SKA2: variants seen among roughly 807,000 people sequenced by gnomAD.
The protein encoded by SKA2 is spindle and kinetochore associated complex subunit 2.
A neutral mutation model predicts 16.9 loss-of-function variants in SKA2; 13 were observed. The observed-to-expected ratio is 0.77, with a 90% CI of 0.50 to 1.22. The LOEUF is 1.22. Ranked by LOEUF, SKA2 falls within the 50% of genes most tolerant of loss-of-function variation. SKA2 has a pLI of 0.00. For missense variants in SKA2, 107 were observed against 139.7 expected (o/e 0.77, Z 1.18); for synonymous variants, 47 against 48.5 (o/e 0.97, Z 0.13).
intron 1 of SKA2, among the ~76,000 whole-genome samples, chr17:59,142,259 T>G (rs1284236687): frequency 1.3e-5 from 2 of 151,914 alleles, no homozygotes; most frequent in Non-Finnish European, 2.9e-5. Flanking sequence ...TGCACGAATA[T>G]TCAGATAAAT....
intron 2 of SKA2, among the ~76,000 whole-genome samples, chr17:59,121,926 C>T (rs1345782015): frequency 6.8e-6 from 1 of 148,082 alleles, no homozygotes; most frequent in East Asian, 2.0e-4. Context: ...GATCCAAGAT[C>T]ACGCCACTGC....
chr17:59,132,952 G>T (rs12945875), intron 1 of SKA2, among the ~76,000 whole-genome samples: 4 of 152,142 alleles, frequency 2.6e-5, no homozygotes, highest in African/African-American at 9.7e-5. Context: ...AAGTTGAGAT[G>T]GATATATGAC....
In SKA2 at chr17:59,112,184, A is replaced by G. The variant is rs2046267868; in HGVS notation, c.*93T>C. On this transcript the variant is annotated 3_prime_UTR_variant, in exon 4 of 4. Coordinates refer to ENST00000330137, the MANE Select transcript of SKA2 (RefSeq NM_182620.4). Reference sequence around the variant, plus strand: ...GCCAAACCCCCTTCACCAGCCCCCAATCTCTAGACATCAAGGGTTAACAAG... The same window carrying G: ...GCCAAACCCCCTTCACCAGCCCCCAGTCTCTAGACATCAAGGGTTAACAAG... The G allele has an allele frequency of 2.0e-6, 2 of 982,426 alleles. No homozygotes were observed. Among genetic ancestry groups the G allele is most frequent in the Non-Finnish European group, 3.1e-6 (2 of 641,188 alleles). The allele number at this position is 982,426 out of a possible 1,614,324, so 60.9% of individuals were successfully genotyped here. A position where few individuals can be genotyped will look rare whatever the true frequency, so the allele number is the denominator to read the frequency against.
chr17:59,154,074 G>A (rs1463697850), intron 1 of SKA2, among the ~76,000 whole-genome samples: 2 of 150,242 alleles, frequency 1.3e-5, no homozygotes, highest in African/African-American at 4.9e-5. Flanking sequence ...CCGGCCAATC[G>A]TATTTAACAG....
intron 2 of SKA2, among the ~76,000 whole-genome samples, chr17:59,128,075 T>TGTG (rs1264388528): frequency 1.3e-5 from 2 of 150,948 alleles, no homozygotes; most frequent in Non-Finnish European, 3.0e-5. Flanking sequence ...AATCAGCTGG[T>TGTG]GTGGTGGCAC....
chr17:59,109,863 A>G lies in SKA2; in HGVS notation c.*2414T>C, dbSNP rs1053383164. ...AGACATAAAGACACTATAGTCACAT[A>G]GGAGAAAACAATTATAATCCAAATG... is the stretch of plus-strand genomic sequence containing the variant. On this transcript the variant is annotated 3_prime_UTR_variant, in exon 4 of 4. Coordinates refer to ENST00000330137, the MANE Select transcript of SKA2 (RefSeq NM_182620.4). 4 of 152,224 alleles carry G rather than the reference A, an allele frequency of 2.6e-5. No homozygotes were observed. The highest frequency in any genetic ancestry group is 2.0e-4 in the Admixed American group (3 of 15,278). 9.4% of individuals were successfully genotyped at this position (152,224 alleles called of 1,614,324 possible).
intron 3 of SKA2, among the ~76,000 whole-genome samples, chr17:59,113,439 C>T (rs1000649543): frequency 1.3e-5 from 2 of 151,894 alleles, no homozygotes; most frequent in African/African-American, 4.8e-5. Context: ...GGGAGAATCC[C>T]TCGAACCTGG....
chr17:59,123,650 G>A (rs565393115), intron 2 of SKA2, among the ~76,000 whole-genome samples: 1 of 152,132 alleles, frequency 6.6e-6, no homozygotes, highest in East Asian at 1.9e-4. Flanking sequence ...CTGGGCTCAA[G>A]TGATCCTCCC....
At position 59,112,214 on chromosome 17, in the gene SKA2, C is replaced by T; in HGVS notation, c.*63G>A. ...TAGACATCAAGGGTTAACAAGACAT[C>T]TTCCTAAATTTCTCCGGAATTAAGC... On this transcript the variant is annotated 3_prime_UTR_variant, in exon 4 of 4. Coordinates refer to ENST00000330137, the MANE Select transcript of SKA2 (RefSeq NM_182620.4). 7.2e-7 allele frequency: 1 copy of T among 1,392,124 alleles called. No homozygotes were observed. Among genetic ancestry groups the T allele is most frequent in the Non-Finnish European group, 1.0e-6 (1 of 991,198 alleles). 86.2% of individuals were successfully genotyped at this position (1,392,124 alleles called of 1,614,324 possible). A position where few individuals can be genotyped will look rare whatever the true frequency, so the allele number is the denominator to read the frequency against.
At chr17:59,131,628 C>T (rs1025778198) in intron 1 of SKA2, among the ~76,000 whole-genome samples, 2 of 152,120 alleles carry the variant, frequency 1.3e-5, no homozygotes, top group Admixed American at 1.3e-4. Flanking sequence ...AATCAAGATA[C>T]TGAGTAGCCA....
chr17:59,130,608 C>T (rs1043879097), intron 2 of SKA2, among the ~76,000 whole-genome samples: 3 of 149,164 alleles, frequency 2.0e-5, no homozygotes, highest in African/African-American at 5.0e-5. Flanking sequence ...CCAGCCTGGA[C>T]GACAGAGTGA....
intron 2 of SKA2, among the ~76,000 whole-genome samples, chr17:59,125,441 GC>G (rs1197812813): frequency 6.6e-6 from 1 of 151,494 alleles, no homozygotes; most frequent in Non-Finnish European, 1.5e-5. Flanking sequence ...GGTGGCTCAC[GC>G]CTGTAATCTC....
At chr17:59,148,234 ATAAATGAAAAGATATGTTTGT>A in intron 1 of SKA2, among the ~76,000 whole-genome samples, 1 of 152,308 alleles carries the variant, frequency 6.6e-6, no homozygotes, top group Admixed American at 6.5e-5. Flanking sequence ...TAGAGACCTA[ATAAATGAAAAGATATGTTTGT>A]GCACCAGAGG....
chr17:59,153,021 C>T (rs1326537511), intron 1 of SKA2, among the ~76,000 whole-genome samples: 2 of 152,066 alleles, frequency 1.3e-5, no homozygotes, highest in African/African-American at 4.8e-5. Flanking sequence ...TTTCTAAAAC[C>T]TACTTTTTCA....
At chr17:59,135,510 T>C (rs1046486380) in intron 1 of SKA2, among the ~76,000 whole-genome samples, 5 of 151,566 alleles carry the variant, frequency 3.3e-5, no homozygotes, top group Non-Finnish European at 5.9e-5. Context: ...AAAATGGGAT[T>C]TCACCATGTT....
intron 1 of SKA2, among the ~76,000 whole-genome samples, chr17:59,135,954 G>A (rs1355971394): frequency 3.3e-5 from 5 of 151,706 alleles, no homozygotes; most frequent in Admixed American, 3.3e-4. Flanking sequence ...GCTGAGGCAG[G>A]AGGATTGCTT....
At chr17:59,144,987 G>A (rs1018301789) in intron 1 of SKA2, among the ~76,000 whole-genome samples, 6 of 152,142 alleles carry the variant, frequency 3.9e-5, no homozygotes, top group East Asian at 3.9e-4. Context: ...TAGTAGAGAC[G>A]GGGTTTCACC....
intron 1 of SKA2, among the ~76,000 whole-genome samples, chr17:59,137,329 T>C (rs2046453512): frequency 1.3e-5 from 2 of 152,234 alleles, no homozygotes; most frequent in African/African-American, 4.8e-5. Flanking sequence ...AAAATGTACA[T>C]TCTTCACCTA....
Position 59,129,900 on chromosome 17 carries a change from AGAGG to A in SKA2, c.120+1377_120+1380del, listed in dbSNP as rs370647754. On this transcript the variant is annotated intron_variant, in intron 2 of 3. Transcript: ENST00000330137. ...GAGAAGAAGGATGGGAGGAAGGAAA[AGAGG>A]GAGGGAGGGAGGGAGGGAAGGAAGG... is the stretch of plus-strand genomic sequence containing the variant. Among the ~76,000 whole-genome samples, 1,145 of 117,858 alleles carry A rather than the reference AGAGG, an allele frequency of 9.7e-3. 14 individuals are homozygous for A. The highest frequency in any genetic ancestry group is 0.03 in the African/African-American group (899 of 30,452). The allele number at this position is 117,858 out of a possible 152,430, so 77.3% of individuals were successfully genotyped here.
Sources: allele counts gnomAD v4.1 joint callset (sites outside exome capture counted in the v4.1 genomes callset), GRCh38; gene constraint gnomAD v4.1.1; transcripts MANE v1.5; gene names NCBI Gene and HGNC (gene_info 2026-07-23, HGNC 2026-07-21).